TTC7B: variants seen among roughly 807,000 people sequenced by gnomAD.
The protein encoded by TTC7B is tetratricopeptide repeat domain 7B.
In TTC7B, 28 loss-of-function variants were observed where a neutral mutation model predicts 106.8. The observed-to-expected ratio is 0.26, with a 90% CI of 0.19 to 0.36. TTC7B has a LOEUF of 0.36. Ranked by LOEUF, TTC7B falls within the 10% of genes least tolerant of loss-of-function variation. The pLI, the probability that TTC7B is intolerant of heterozygous loss-of-function variation, is 1.00. For synonymous variants in TTC7B, 405 were observed against 430.6 expected (o/e 0.94, Z 0.74); for missense variants, 862 against 1,076.4 (o/e 0.80, Z 2.79).
chr14:90,628,935 G>A (rs1397523482), intron 15 of TTC7B, among the ~76,000 whole-genome samples: 1 of 152,264 alleles, frequency 6.6e-6, no homozygotes, highest in Non-Finnish European at 1.5e-5. Flanking sequence ...CCTCCCTGAA[G>A]GTGAGCGATT....
rs10136674 is a variant in TTC7B at position 90,757,138 on chromosome 14, C to T, written c.446-12216G>A. 0.016 allele frequency among the ~76,000 whole-genome samples: 2,497 copies of T among 152,246 alleles called. 61 individuals carry two copies. The highest frequency in any genetic ancestry group is 0.056 in the African/African-American group (2,342 of 41,532). On this transcript the variant is annotated intron_variant, in intron 3 of 19. Transcript: ENST00000328459. This position sits in a 1 kb window ranked among gnomAD's most constrained non-coding sequence, Gnocchi z 4.1. The stretch of plus-strand genomic sequence containing the variant: ...ATGGCCCCACAGCGCCCCCTCACAA[C>T]CCCTACTACCACATCTCTGGGTTTC...
At position 90,577,374 on chromosome 14, in the gene TTC7B, G is replaced by A. The variant is rs569171703; in HGVS notation, c.2310+732C>T. 2.6e-5 allele frequency among the ~76,000 whole-genome samples: 4 copies of A among 152,314 alleles called. No individual in the cohort carries two copies. Among genetic ancestry groups the A allele is most frequent in the Admixed American group, 6.5e-5 (1 of 15,302 alleles). On this transcript the variant is annotated intron_variant, in intron 19 of 19. Coordinates refer to ENST00000328459, the MANE Select transcript of TTC7B (RefSeq NM_001010854.2). This position sits in a 1 kb window ranked among gnomAD's most constrained non-coding sequence, Gnocchi z 5.0. Reference sequence around the variant, plus strand: ...CATAACGGACAGAACCCTCCTGAGCGAGCAGTGTCCCCACCTAACTGAAAC... The same window carrying A: ...CATAACGGACAGAACCCTCCTGAGCAAGCAGTGTCCCCACCTAACTGAAAC...
intron 18 of TTC7B, among the ~76,000 whole-genome samples, chr14:90,591,187 A>G (rs148219639): frequency 8.3e-4 from 126 of 152,216 alleles, no homozygotes; most frequent in African/African-American, 2.8e-3. Flanking sequence ...CTAAAAATAC[A>G]AAAATCAGTG....
At chr14:90,552,207 G>A (rs1656395203) in intron 19 of TTC7B, among the ~76,000 whole-genome samples, 2 of 152,328 alleles carry the variant, frequency 1.3e-5, no homozygotes, top group South Asian at 2.1e-4. Context: ...GCTCCACCGT[G>A]GGGTGGGACT....
intron 1 of TTC7B, among the ~76,000 whole-genome samples, chr14:90,809,579 T>G (rs1389348440): frequency 6.6e-6 from 1 of 152,266 alleles, no homozygotes; most frequent in East Asian, 1.9e-4. Context: ...ACACTTGTCC[T>G]TGCAGGACGC....
At position 90,744,899 on chromosome 14, in the gene TTC7B, T is replaced by C. The variant is rs769619192; in HGVS notation, c.469A>G (p.Ile157Val). Residue 157 changes from isoleucine to valine, a missense_variant, in exon 4 of 20, where the codon ATT becomes GTT. Physicochemically the swap from Ile to Val is conservative, Grantham distance 29. Coordinates refer to ENST00000328459, the MANE Select transcript of TTC7B (RefSeq NM_001010854.2). The part of the protein sequence containing the change: ...TKGLCLEKLP[I>V]SSSTSNLHVD... ...TGGAGATTACTGGTAGAAGAAGAAATAGGCAGCTTCTCCAAACAAAGTCCT... is the reference window on the plus strand; with the variant it reads ...TGGAGATTACTGGTAGAAGAAGAAACAGGCAGCTTCTCCAAACAAAGTCCT... 3.7e-6 allele frequency: 6 copies of C among 1,613,798 alleles called. No individual in the cohort carries two copies. In the South Asian group the frequency reaches 5.5e-5, roughly 15 times the overall value.
At chr14:90,772,354 T>G (rs1028444474) in intron 3 of TTC7B, among the ~76,000 whole-genome samples, 3 of 152,140 alleles carry the variant, frequency 2.0e-5, no homozygotes, top group African/African-American at 7.2e-5. Flanking sequence ...AATAGAGGCT[T>G]TAGTTAAATA....
At chr14:90,620,541 C>T (rs1893268046) in intron 15 of TTC7B, among the ~76,000 whole-genome samples, 1 of 152,150 alleles carries the variant, frequency 6.6e-6, no homozygotes, top group Admixed American at 6.5e-5. Flanking sequence ...GCATGAGTGC[C>T]AAGCAATTGC....
intron 15 of TTC7B, among the ~76,000 whole-genome samples, chr14:90,621,350 GC>G (rs1884170444): frequency 6.6e-6 from 1 of 151,980 alleles, no homozygotes; most frequent in African/African-American, 2.4e-5. Context: ...CGCGGGTACG[GC>G]CGGGACGATG....
chr14:90,605,924 C>T (rs558488069), intron 17 of TTC7B, among the ~76,000 whole-genome samples: 6 of 152,136 alleles, frequency 3.9e-5, no homozygotes, highest in East Asian at 1.9e-4. Flanking sequence ...AAGTGCTTTT[C>T]GAAGAAAACA....
intron 1 of TTC7B, among the ~76,000 whole-genome samples, chr14:90,791,129 C>T (rs1390313455): frequency 6.6e-6 from 1 of 152,072 alleles, no homozygotes; most frequent in Non-Finnish European, 1.5e-5. Context: ...ATGTGCCACC[C>T]CTTTGGAATG....
At chr14:90,609,616 C>T (rs1336745613) in intron 17 of TTC7B, among the ~76,000 whole-genome samples, 1 of 152,180 alleles carries the variant, frequency 6.6e-6, no homozygotes, top group African/African-American at 2.4e-5. Context: ...AAGAAAATAA[C>T]CTCGTGGTCC....
At chr14:90,816,078 C>G (rs1168374489) in intron 1 of TTC7B, 97 bp downstream of exon 1, 17 of 978,536 alleles carry the variant, frequency 1.7e-5, no homozygotes, top group Non-Finnish European at 1.9e-5. Context: ...CCGGCCGCGC[C>G]CCTGCCCGCG....
chr14:90,556,409 A>T (rs1470905014), intron 19 of TTC7B, among the ~76,000 whole-genome samples: 1 of 151,964 alleles, frequency 6.6e-6, no homozygotes, highest in Non-Finnish European at 1.5e-5. Context: ...GGAGGGGGGA[A>T]GCTTGGGTCC....
Position 90,795,080 on chromosome 14 carries a change from G to A in TTC7B, c.122-8752C>T, listed in dbSNP as rs546365630. ...GACAAGAGGGAAAAAAGGCACTCCA[G>A]GGCATACGAGAAAATTAATTCCAGA... On this transcript the variant is annotated intron_variant, in intron 1 of 19. Coordinates refer to ENST00000328459, the MANE Select transcript of TTC7B (RefSeq NM_001010854.2). Among the ~76,000 whole-genome samples, 7 of 152,100 alleles carry A rather than the reference G, an allele frequency of 4.6e-5. No homozygotes were observed. The South Asian group carries it at 1.5e-3, about 32-fold the overall frequency.
chr14:90,775,048 A>G (rs1445058522), intron 3 of TTC7B, among the ~76,000 whole-genome samples: 1 of 151,984 alleles, frequency 6.6e-6, no homozygotes, highest in Admixed American at 6.5e-5. Context: ...TGTCTCAAAA[A>G]AAAAAAAAAA....
chr14:90,658,504 G>T, intron 9 of TTC7B, 117 bp from the exon 10 acceptor site: 1 of 960,280 alleles, frequency 1.0e-6, no homozygotes, highest in Non-Finnish European at 1.6e-6. Flanking sequence ...TGCTTCCCTT[G>T]AATGCTTAAA....
At chr14:90,634,373 T>C (rs1884837533) in intron 15 of TTC7B, among the ~76,000 whole-genome samples, 1 of 151,974 alleles carries the variant, frequency 6.6e-6, no homozygotes, top group African/African-American at 2.4e-5. Context: ...AATCCAGCCA[T>C]AGCATTAATT....
chr14:90,655,509 C>A (rs1000232968), intron 11 of TTC7B, among the ~76,000 whole-genome samples: 1 of 152,240 alleles, frequency 6.6e-6, no homozygotes, highest in South Asian at 2.1e-4. Flanking sequence ...TTCTTTCCCC[C>A]CCTACCCAGG....
Sources: gnomAD v4.1 joint callset for allele counts (sites outside exome capture counted in the v4.1 genomes callset) on GRCh38, gnomAD v4.1.1 for gene constraint, Gnocchi (gnomAD v3.1) non-coding constraint, MANE v1.5 for transcripts, NCBI Gene and HGNC (gene_info 2026-07-23, HGNC 2026-07-21) for gene names.